Variants in TENM2 observed in about 807,000 individuals in gnomAD.
TENM2 encodes teneurin transmembrane protein 2, also known as teneurin-2.
In TENM2, 52 loss-of-function variants were observed where a neutral mutation model predicts 245.2. The observed-to-expected ratio is 0.21, with a 90% confidence interval of 0.17 to 0.27. The LOEUF is 0.27. Among genes scored for constraint, TENM2 ranks in the 10% least tolerant of loss-of-function variants. The pLI, the probability that TENM2 is intolerant of heterozygous loss-of-function variation, is 1.00. For missense variants in TENM2, 3,046 were observed against 3,666.8 expected (o/e 0.83, Z 4.37); for synonymous variants, 1,363 against 1,438.9 (o/e 0.95, Z 1.19).
the TENM2 span, among the ~76,000 whole-genome samples, chr5:167,049,611 AC>A: frequency 8.9e-4 from 136 of 152,324 alleles, 1 homozygote; most frequent in Middle Eastern, 3.4e-3. Flanking sequence ...ATTTTTTGAA[AC>A]AAAAATGTTT....
At chr5:167,640,554 G>C (rs1458947832) in intron 2 of TENM2, among the ~76,000 whole-genome samples, 1 of 150,238 alleles carries the variant, frequency 6.7e-6, no homozygotes, top group Admixed American at 6.7e-5. Context: ...TGACGTGGAG[G>C]TTGCAGTGAG....
chr5:167,589,999 T>C (rs903905946), intron 2 of TENM2, among the ~76,000 whole-genome samples: 4 of 151,894 alleles, frequency 2.6e-5, no homozygotes, highest in Non-Finnish European at 4.4e-5. Context: ...TCTTTGTCTA[T>C]GTAATAAGTA....
intron 5 of TENM2, among the ~76,000 whole-genome samples, chr5:168,028,416 C>T (rs1223621761): frequency 3.3e-5 from 5 of 152,062 alleles, no homozygotes; most frequent in Non-Finnish European, 7.4e-5. Context: ...CAGCGTGACA[C>T]AGAGAAGGTG....
chr5:167,326,533 C>T (rs1275367133), intron 1 of TENM2, among the ~76,000 whole-genome samples: 1 of 151,618 alleles, frequency 6.6e-6, no homozygotes, highest in Non-Finnish European at 1.5e-5. Context: ...ATTAGCCAGA[C>T]GTGGTGGTGC....
At chr5:168,118,560 C>A in intron 10 of TENM2, 74 bp downstream of exon 12, 1 of 1,240,026 alleles carries the variant, frequency 8.1e-7, no homozygotes. Flanking sequence ...GCTAATGAGC[C>A]CAGTCCTGGG....
chr5:167,777,158 CAG>C (rs1370139831), intron 2 of TENM2, among the ~76,000 whole-genome samples: 7 of 152,104 alleles, frequency 4.6e-5, no homozygotes, highest in South Asian at 2.1e-4. Context: ...ACAGAGGAGA[CAG>C]AGAGTGTGAG....
At chr5:167,875,963 G>C in intron 2 of TENM2, 23 bp from the exon 5 acceptor site, 1 of 1,529,724 alleles carries the variant, frequency 6.5e-7, no homozygotes, top group South Asian at 1.2e-5. Context: ...GCTGACCTTT[G>C]ACCCCTCTGT....
chr5:167,669,887 T>C (rs1678413326), intron 2 of TENM2, among the ~76,000 whole-genome samples: 1 of 151,926 alleles, frequency 6.6e-6, no homozygotes, highest in Non-Finnish European at 1.5e-5. Context: ...TAAAAGACTA[T>C]TAAAATGGAA....
chr5:167,280,507 C>T (rs891943107), upstream of TENM2, among the ~76,000 whole-genome samples: 1 of 152,112 alleles, frequency 6.6e-6, no homozygotes, highest in Non-Finnish European at 1.5e-5. Flanking sequence ...GCCTCATTTT[C>T]ATGGAAGGGC....
At chr5:167,076,427 A>G in the TENM2 span, among the ~76,000 whole-genome samples, 4 of 152,238 alleles carry the variant, frequency 2.6e-5, no homozygotes, top group South Asian at 4.1e-4. Flanking sequence ...CACAAAGCAC[A>G]TATTTTTCAA....
chr5:167,228,707 A>ATTTT, the TENM2 span, among the ~76,000 whole-genome samples: 4 of 148,746 alleles, frequency 2.7e-5, no homozygotes, highest in African/African-American at 2.5e-5. Flanking sequence ...ACTTCTTCCA[A>ATTTT]TTTTTTTTTA....
chr5:168,204,107 C>T (rs1367799737), intron 18 of TENM2, among the ~76,000 whole-genome samples: 7 of 152,028 alleles, frequency 4.6e-5, no homozygotes, highest in Non-Finnish European at 1.0e-4. Flanking sequence ...ACTTCCCGGG[C>T]TCAAATGATC....
At chr5:167,415,700 T>A (rs1763131874) in intron 2 of TENM2, among the ~76,000 whole-genome samples, 1 of 152,088 alleles carries the variant, frequency 6.6e-6, no homozygotes, top group African/African-American at 2.4e-5. Flanking sequence ...TTGAAAAAAT[T>A]CTATGGTTGA....
chr5:167,242,544 C>G, the TENM2 span, among the ~76,000 whole-genome samples: 1 of 152,246 alleles, frequency 6.6e-6, no homozygotes, highest in Admixed American at 6.5e-5. Flanking sequence ...CAAGACCAAC[C>G]CCTCCTGTTC....
the TENM2 span, among the ~76,000 whole-genome samples, chr5:167,246,495 A>G: frequency 6.6e-6 from 1 of 152,090 alleles, no homozygotes; most frequent in African/African-American, 2.4e-5. Context: ...ATGTATTTAC[A>G]TACTGTAATA....
At chr5:167,013,538 TC>T in the TENM2 span, among the ~76,000 whole-genome samples, 1 of 151,820 alleles carries the variant, frequency 6.6e-6, no homozygotes, top group Non-Finnish European at 1.5e-5. Context: ...AAACCCTGTC[TC>T]CCCTAAAAAA....
At chr5:168,016,376 A>G (rs1302045899) in intron 5 of TENM2, among the ~76,000 whole-genome samples, 4 of 152,228 alleles carry the variant, frequency 2.6e-5, no homozygotes, top group African/African-American at 4.8e-5. Context: ...GACAAACGGT[A>G]TATATTTTTT....
intron 5 of TENM2, among the ~76,000 whole-genome samples, chr5:167,998,698 G>C (rs1784227721): frequency 6.6e-6 from 1 of 151,146 alleles, no homozygotes; most frequent in African/African-American, 2.4e-5. Context: ...ATATATATTA[G>C]AAAGTCACCT....
chr5:167,087,295 A>G, the TENM2 span, among the ~76,000 whole-genome samples: 1 of 152,170 alleles, frequency 6.6e-6, no homozygotes, highest in African/African-American at 2.4e-5. Context: ...TGTGCCATTT[A>G]GTGCTCAACG....
Sources: gnomAD v4.1 joint callset for allele counts (sites outside exome capture counted in the v4.1 genomes callset) on GRCh38, gnomAD v4.1.1 for gene constraint, MANE v1.5 for transcripts, NCBI Gene and HGNC (gene_info 2026-07-23, HGNC 2026-07-21) for gene names.